Variants in BMP5 observed in about 807,000 individuals in gnomAD.
The protein encoded by BMP5 is bone morphogenetic protein 5.
A neutral mutation model predicts 46.6 loss-of-function variants in BMP5; 23 were observed. The ratio of observed to expected loss-of-function variants is 0.49; its 90% CI spans 0.35 to 0.70. BMP5 has a LOEUF of 0.70. Ranked by LOEUF, BMP5 falls within the 30% of genes least tolerant of loss-of-function variation. The probability of loss-of-function intolerance (pLI) is 0.00; values close to 1 mark genes in which losing one functional copy is unlikely to be tolerated. For missense variants in BMP5, 545 were observed against 565.6 expected (o/e 0.96, Z 0.37); for synonymous variants, 204 against 191.9 (o/e 1.06, Z -0.52).
Position 55,842,065 on chromosome 6 carries a change from T to A in BMP5, c.491-22218A>T, listed in dbSNP as rs186155226. Among the ~76,000 whole-genome samples the A allele has an allele frequency of 3.3e-3, 503 of 152,326 alleles. 3 individuals are homozygous for A. The highest frequency in any genetic ancestry group is 0.012 in the African/African-American group (481 of 41,578). ...TGATCGTGACTTTACAACACTTTTT[T>A]AAAAAATTTAGTTGGACATTATGAA... On this transcript the variant is annotated intron_variant, in intron 1 of 6. Transcript: ENST00000370830.
At chr6:55,834,500 T>TTGCACTCA (rs2127543224) in intron 1 of BMP5, among the ~76,000 whole-genome samples, 1 of 152,226 alleles carries the variant, frequency 6.6e-6, no homozygotes, top group Non-Finnish European at 1.5e-5. Flanking sequence ...AAAGGGAACC[T>TTGCACTCA]TGCACTCAGC....
chr6:55,794,907 T>C (rs902016775), intron 2 of BMP5, among the ~76,000 whole-genome samples: 1 of 152,048 alleles, frequency 6.6e-6, no homozygotes, highest in Non-Finnish European at 1.5e-5. Context: ...ATTTTTATTA[T>C]ATAATTATTT....
At chr6:55,868,944 C>A (rs1016735662) in intron 1 of BMP5, among the ~76,000 whole-genome samples, 9 of 152,144 alleles carry the variant, frequency 5.9e-5, no homozygotes, top group African/African-American at 2.2e-4. Context: ...ACGGCCCAGC[C>A]AATAAAATAT....
chr6:55,837,300 A>G (rs958470741), intron 1 of BMP5, among the ~76,000 whole-genome samples: 1 of 152,084 alleles, frequency 6.6e-6, no homozygotes, highest in Admixed American at 6.6e-5. Flanking sequence ...ACAGTGAAAG[A>G]AAAAAATGAC....
intron 2 of BMP5, among the ~76,000 whole-genome samples, chr6:55,796,360 T>C (rs1240596300): frequency 6.6e-6 from 1 of 152,086 alleles, no homozygotes; most frequent in Non-Finnish European, 1.5e-5. Flanking sequence ...TTTTAAATTG[T>C]GCCATCTCTT....
chr6:55,863,606 C>T (rs1262315530), intron 1 of BMP5, among the ~76,000 whole-genome samples: 1 of 152,158 alleles, frequency 6.6e-6, no homozygotes, highest in Non-Finnish European at 1.5e-5. Flanking sequence ...TACAACCATA[C>T]TAAGACCTGA....
Position 55,819,796 on chromosome 6 carries a change from C to T in BMP5, c.542G>A (p.Arg181Gln), listed in dbSNP as rs766276845. 11 of 1,613,560 alleles carry T rather than the reference C, an allele frequency of 6.8e-6. No homozygotes were observed. Among genetic ancestry groups the T allele is most frequent in the Admixed American group, 6.7e-5 (4 of 59,912 alleles). ...ATGAGGAATTTGGGTAAGATCAAAT[C>T]GAAATTCTTTGTAATGCCTTCGCTG... The part of the protein sequence containing the change: ...SHQRRHYKEF[R>Q]FDLTQIPHGE... The change falls in exon 2 of 7, where the codon CGA becomes CAA. Residue 181 changes from arginine to glutamine, a missense_variant. Transcript: ENST00000370830.
intron 1 of BMP5, chr6:55,865,368 A>C (rs1478569302): frequency 2.1e-6 from 1 of 485,662 alleles, no homozygotes; most frequent in East Asian, 5.8e-5. Flanking sequence ...AATATCTAAA[A>C]TTAAAGTAAA....
At chr6:55,757,923 AT>A (rs1158383072) in intron 6 of BMP5, among the ~76,000 whole-genome samples, 1 of 151,930 alleles carries the variant, frequency 6.6e-6, no homozygotes, top group Non-Finnish European at 1.5e-5. Flanking sequence ...TCATTCAAGT[AT>A]TTGCTTTTGC....
At chr6:55,771,430 G>T (rs1159835774) in intron 4 of BMP5, among the ~76,000 whole-genome samples, 1 of 149,034 alleles carries the variant, frequency 6.7e-6, no homozygotes, top group East Asian at 2.0e-4. Flanking sequence ...AGAGGAACAA[G>T]CAGTGCCGGG....
At chr6:55,808,846 A>ATT (rs1776055028) in intron 2 of BMP5, among the ~76,000 whole-genome samples, 1 of 151,860 alleles carries the variant, frequency 6.6e-6, no homozygotes, top group Non-Finnish European at 1.5e-5. Flanking sequence ...CTGGTGTAGG[A>ATT]TTTGCATGCT....
chr6:55,851,419 G>A (rs1003469887), intron 1 of BMP5, among the ~76,000 whole-genome samples: 4 of 152,130 alleles, frequency 2.6e-5, no homozygotes, highest in African/African-American at 9.7e-5. Context: ...GAGATAGGCA[G>A]GAGCAGTAGA....
chr6:55,862,583 A>T lies in BMP5; in HGVS notation c.490+11793T>A, dbSNP rs192820146. 1.0e-3 allele frequency among the ~76,000 whole-genome samples: 158 copies of T among 152,348 alleles called. 1 individual carries two copies. Among genetic ancestry groups the T allele is most frequent in the Admixed American group, 0.01 (153 of 15,296 alleles). On this transcript the variant is annotated intron_variant, in intron 1 of 6. Coordinates refer to ENST00000370830, the MANE Select transcript of BMP5 (RefSeq NM_021073.4). ...CCAGAGGTAAGATTTAGACAGCTCC[A>T]ACAACTTAATTTTGAAAAATTGAAT...
At chr6:55,862,915 T>C (rs1233723539) in intron 1 of BMP5, among the ~76,000 whole-genome samples, 1 of 152,188 alleles carries the variant, frequency 6.6e-6, no homozygotes, top group Non-Finnish European at 1.5e-5. Context: ...AAGGGATTTT[T>C]GTTGGTGTTT....
At chr6:55,866,521 G>A (rs569978131) in intron 1 of BMP5, among the ~76,000 whole-genome samples, 10 of 152,244 alleles carry the variant, frequency 6.6e-5, no homozygotes, top group African/African-American at 1.4e-4. Context: ...ACACACAGTC[G>A]TGGATCATCT....
chr6:55,806,162 G>T (rs979390127), intron 2 of BMP5, among the ~76,000 whole-genome samples: 2 of 152,098 alleles, frequency 1.3e-5, no homozygotes, highest in African/African-American at 2.4e-5. Flanking sequence ...GTCCTGAATG[G>T]TATTGCCTAG....
intron 1 of BMP5, among the ~76,000 whole-genome samples, chr6:55,867,613 G>A (rs1057367317): frequency 3.9e-5 from 6 of 152,092 alleles, no homozygotes; most frequent in African/African-American, 1.2e-4. Flanking sequence ...AGTGACCTGC[G>A]CAGTTGCACA....
intron 4 of BMP5, among the ~76,000 whole-genome samples, chr6:55,760,789 C>G (rs1339996225): frequency 6.6e-6 from 1 of 151,980 alleles, no homozygotes; most frequent in Non-Finnish European, 1.5e-5. Flanking sequence ...GTTAAGCCAT[C>G]TACTTGACAG....
chr6:55,869,214 A>G (rs887192451), intron 1 of BMP5, among the ~76,000 whole-genome samples: 3 of 152,284 alleles, frequency 2.0e-5, no homozygotes, highest in Admixed American at 1.3e-4. Context: ...TTTAGTGTGT[A>G]AGGATGAAAG....
Sources: allele counts gnomAD v4.1 joint callset (sites outside exome capture counted in the v4.1 genomes callset), GRCh38; gene constraint gnomAD v4.1.1; transcripts MANE v1.5; gene names NCBI Gene and HGNC (gene_info 2026-07-23, HGNC 2026-07-21).